The following AKT3 variants were observed in gnomAD, a reference collection of about 807,000 sequenced individuals.
AKT3 encodes RAC-gamma serine/threonine-protein kinase.
In AKT3, 15 loss-of-function variants were observed where a neutral mutation model predicts 65.3. That is an observed-to-expected ratio of 0.23 (90% CI 0.15 to 0.35). AKT3 has a LOEUF of 0.35. AKT3 is among the 10% of genes least tolerant of loss of function. AKT3 has a pLI of 1.00. For missense variants in AKT3, 243 were observed against 576.5 expected (o/e 0.42, Z 5.92); for synonymous variants, 206 against 183.8 (o/e 1.12, Z -0.98).
At position 243,500,916 on chromosome 1, in the gene AKT3, A is replaced by G. The variant is rs1305383017; in HGVS notation, c.*4333T>C. ...CTAGACATAAAGGCTGTCACATAAG[A>G]TATTTTAATTGTCCTTAATTCTGTT... On this transcript the variant is annotated 3_prime_UTR_variant, in exon 14 of 14. Transcript: ENST00000673466. The G allele has an allele frequency of 8.8e-6, 2 of 228,170 alleles. No homozygotes were observed. Among genetic ancestry groups the G allele is most frequent in the East Asian group, 1.3e-4 (2 of 15,814 alleles). The allele number at this position is 228,170 out of a possible 1,614,324, so 14.1% of individuals were successfully genotyped here.
chr1:243,505,071 T>C lies in AKT3; in HGVS notation c.*178A>G. 1 of 581,228 alleles carries C rather than the reference T, an allele frequency of 1.7e-6. No homozygotes were observed. Among genetic ancestry groups the C allele is most frequent in the Non-Finnish European group, 3.1e-6 (1 of 326,834 alleles). The allele number at this position is 581,228 out of a possible 1,614,324, so 36.0% of individuals were successfully genotyped here. A position where few individuals can be genotyped will look rare whatever the true frequency, so the allele number is the denominator to read the frequency against. On this transcript the variant is annotated 3_prime_UTR_variant, in exon 14 of 14. Coordinates refer to ENST00000673466, the MANE Select transcript of AKT3 (RefSeq NM_005465.7). ...TCATGCAAAAACAAAAACTGGAGTGTATTTGCGTGTATGTGTGTTTTCATG... is the reference window on the plus strand; with the variant it reads ...TCATGCAAAAACAAAAACTGGAGTGCATTTGCGTGTATGTGTGTTTTCATG...
chr1:243,725,226 A>G (rs1006621284), intron 2 of AKT3, among the ~76,000 whole-genome samples: 5 of 152,036 alleles, frequency 3.3e-5, no homozygotes, highest in Admixed American at 6.6e-5. Flanking sequence ...AAAAGAAATG[A>G]AACTGCAATA....
intron 1 of AKT3, among the ~76,000 whole-genome samples, chr1:243,845,937 C>T (rs573546273): frequency 6.6e-6 from 1 of 152,212 alleles, no homozygotes; most frequent in East Asian, 1.9e-4. Context: ...ATTATCTGTG[C>T]CTCAGTTTCC....
chr1:243,662,346 C>T (rs1048161018), intron 4 of AKT3, among the ~76,000 whole-genome samples: 1 of 152,006 alleles, frequency 6.6e-6, no homozygotes, highest in Non-Finnish European at 1.5e-5. Context: ...GAAAATGTGG[C>T]ATAAATACAC....
chr1:243,621,896 TC>T (rs1010216978), intron 6 of AKT3, among the ~76,000 whole-genome samples: 17 of 152,302 alleles, frequency 1.1e-4, no homozygotes, highest in African/African-American at 3.4e-4. Flanking sequence ...CTCATTATCA[TC>T]ACTACCTCCA....
intron 6 of AKT3, among the ~76,000 whole-genome samples, chr1:243,616,307 TAAA>T (rs57576796): frequency 0.013 from 874 of 66,752 alleles, 10 homozygotes; most frequent in African/African-American, 0.048. Flanking sequence ...GTGCTTTTCT[TAAA>T]AAAAAAAAAA....
intron 2 of AKT3, among the ~76,000 whole-genome samples, chr1:243,842,135 A>C (rs1186874746): frequency 6.6e-6 from 1 of 152,174 alleles, no homozygotes; most frequent in Non-Finnish European, 1.5e-5. Flanking sequence ...ATGACTTTAC[A>C]TTGCTTAATT....
At chr1:243,571,388 A>T (rs539405847) in intron 9 of AKT3, among the ~76,000 whole-genome samples, 2 of 152,194 alleles carry the variant, frequency 1.3e-5, no homozygotes, top group Non-Finnish European at 2.9e-5. Context: ...AATACTGACC[A>T]AGACCATAAT....
At chr1:243,834,030 AT>A (rs1384995819) in intron 2 of AKT3, among the ~76,000 whole-genome samples, 1 of 152,098 alleles carries the variant, frequency 6.6e-6, no homozygotes, top group East Asian at 1.9e-4. Flanking sequence ...GATTTTTTAA[AT>A]TGTACAGGAT....
chr1:243,649,416 C>A (rs79197197), intron 4 of AKT3, among the ~76,000 whole-genome samples: 11,392 of 150,878 alleles, frequency 0.076, 552 homozygotes, highest in East Asian at 0.18. Flanking sequence ...TATACACATA[C>A]ACACATACAT....
At chr1:243,801,020 T>C (rs77030415) in intron 2 of AKT3, among the ~76,000 whole-genome samples, 4,791 of 152,288 alleles carry the variant, frequency 0.031, 98 homozygotes, top group Middle Eastern at 0.071. Context: ...CTAAGTATGT[T>C]GGAAAGATGA....
chr1:243,811,965 C>T (rs1034282854), intron 2 of AKT3, among the ~76,000 whole-genome samples: 4 of 152,160 alleles, frequency 2.6e-5, no homozygotes, highest in Non-Finnish European at 4.4e-5. Context: ...AACTGGCTAA[C>T]CATATGTAGA....
Position 243,616,022 on chromosome 1 carries a change from G to GT in AKT3, c.562-862dup, listed in dbSNP as rs913495198. Among the ~76,000 whole-genome samples, 65 of 151,510 alleles carry GT rather than the reference G, an allele frequency of 4.3e-4. No homozygotes were observed. The Middle Eastern group carries it at 0.01, about 24-fold the overall frequency. ...TCCCAAGTAGCAGAGACTACAGGTT[G>GT]TTTTTTTTCCTTTGGTTGGGGGCGT... On this transcript the variant is annotated intron_variant, in intron 6 of 13. Coordinates refer to ENST00000673466, the MANE Select transcript of AKT3 (RefSeq NM_005465.7).
rs566133488 is a variant in AKT3, at chr1:243,789,035, C to A, written c.46+54090G>T. Among the ~76,000 whole-genome samples the A allele has an allele frequency of 7.0e-4, 107 of 152,312 alleles. 1 individual carries two copies. The highest frequency in any genetic ancestry group is 3.4e-3 in the Middle Eastern group (1 of 294). On this transcript the variant is annotated intron_variant, in intron 2 of 13. Transcript: ENST00000673466. ...TTCAACAATGTTCACAGCATCTTCT[C>A]AAGGAGTAGAATCCATCTCAAGAAA... is the stretch of plus-strand genomic sequence containing the variant.
intron 3 of AKT3, chr1:243,687,875 A>C (rs1684433490): frequency 6.6e-6 from 1 of 152,194 alleles, no homozygotes; most frequent in Admixed American, 6.5e-5. Context: ...AACACTACCT[A>C]TGAAAATAGA....
chr1:243,773,138 T>C (rs947627836), intron 2 of AKT3, among the ~76,000 whole-genome samples: 1 of 151,140 alleles, frequency 6.6e-6, no homozygotes, highest in Admixed American at 6.6e-5. Flanking sequence ...TATACATATG[T>C]AACAAACCTG....
intron 5 of AKT3, among the ~76,000 whole-genome samples, chr1:243,644,626 TTAAACA>T (rs573924416): frequency 3.0e-4 from 46 of 152,284 alleles, no homozygotes; most frequent in Admixed American, 6.5e-4. Flanking sequence ...ATAAAGATAA[TTAAACA>T]TAAACATCAC....
intron 2 of AKT3, among the ~76,000 whole-genome samples, chr1:243,776,881 C>A (rs1690586993): frequency 6.6e-6 from 1 of 152,120 alleles, no homozygotes; most frequent in Non-Finnish European, 1.5e-5. Flanking sequence ...TAATAATAAT[C>A]AAGTAGTATA....
downstream of AKT3, among the ~76,000 whole-genome samples, chr1:243,496,731 G>A (rs934011532): frequency 1.3e-5 from 2 of 152,232 alleles, no homozygotes; most frequent in Admixed American, 1.3e-4. Context: ...CCCACAGTGT[G>A]GTTGCCTGGG....
Sources: gnomAD v4.1 joint callset for allele counts (sites outside exome capture counted in the v4.1 genomes callset) on GRCh38, gnomAD v4.1.1 for gene constraint, MANE v1.5 for transcripts, NCBI Gene and HGNC (gene_info 2026-07-23, HGNC 2026-07-21) for gene names.